The following FXR1 variants were observed in gnomAD, a reference collection of about 807,000 sequenced individuals.
The protein encoded by FXR1 is FMR1 autosomal homolog 1, also known as RNA-binding protein FXR1.
A neutral mutation model predicts 84.0 loss-of-function variants in FXR1; 15 were observed. The observed-to-expected ratio is 0.18, with a 90% CI of 0.12 to 0.27. FXR1 has a LOEUF of 0.27. Ranked by LOEUF, FXR1 falls within the 10% of genes least tolerant of loss-of-function variation. The probability of loss-of-function intolerance (pLI) is 1.00; values close to 1 mark genes in which losing one functional copy is unlikely to be tolerated. For synonymous variants in FXR1, 245 were observed against 250.7 expected (o/e 0.98, Z 0.21); for missense variants, 480 against 774.4 (o/e 0.62, Z 4.51).
At chr3:180,960,206 C>G (rs1259007596) in intron 10 of FXR1, among the ~76,000 whole-genome samples, 1 of 152,178 alleles carries the variant, frequency 6.6e-6, no homozygotes, top group Non-Finnish European at 1.5e-5. Flanking sequence ...TGGCCTAATA[C>G]TTTGATTTAC....
Position 180,978,717 on chromosome 3 carries a change from A to C in FXR1, c.*2425A>C, listed in dbSNP as rs955894444. 6 of 152,096 alleles carry C rather than the reference A, an allele frequency of 3.9e-5. No homozygotes were observed. Among genetic ancestry groups the C allele is most frequent in the African/African-American group, 1.4e-4 (6 of 41,432 alleles). 9.4% of individuals were successfully genotyped at this position (152,096 alleles called of 1,614,324 possible). ...ACCCTCTTTAAAGAGAAGGAAAAAA[A>C]GGTATTCTGGAAGATCTTGTGCAGT... On this transcript the variant is annotated 3_prime_UTR_variant, in exon 17 of 17. Transcript: ENST00000357559.
At chr3:180,951,241 CA>C in intron 7 of FXR1, 56 bp from the exon 8 acceptor site, 1 of 1,148,414 alleles carries the variant, frequency 8.7e-7, no homozygotes, top group Non-Finnish European at 1.3e-6. Flanking sequence ...CCAAACCATA[CA>C]AAAAAGCCAT....
intron 9 of FXR1, among the ~76,000 whole-genome samples, chr3:180,956,196 TC>T (rs1158677748): frequency 5.9e-5 from 9 of 152,160 alleles, no homozygotes; most frequent in African/African-American, 1.9e-4. Context: ...TTCCCACCCC[TC>T]CCAAATCAAA....
intron 13 of FXR1, among the ~76,000 whole-genome samples, chr3:180,965,758 T>C (rs565296153): frequency 2.6e-5 from 4 of 152,322 alleles, no homozygotes; most frequent in East Asian, 1.9e-4. Context: ...TTAACAGTTA[T>C]TTAATATGAG....
chr3:180,933,295 T>A, intron 1 of FXR1, 39 bp from the exon 2 acceptor site: 1 of 1,241,778 alleles, frequency 8.1e-7, no homozygotes, highest in Non-Finnish European at 1.2e-6. Flanking sequence ...ACGAAGTGCT[T>A]TAATATCTAT....
chr3:180,940,411 G>A (rs577933264), intron 3 of FXR1, among the ~76,000 whole-genome samples: 2 of 152,224 alleles, frequency 1.3e-5, no homozygotes, highest in Admixed American at 1.3e-4. Context: ...TGGGCTCTTG[G>A]AAGGGCAGTA....
At chr3:180,928,933 T>G (rs1210208043) in intron 1 of FXR1, among the ~76,000 whole-genome samples, 3 of 151,966 alleles carry the variant, frequency 2.0e-5, no homozygotes, top group African/African-American at 7.3e-5. Flanking sequence ...TTTTGTTTGT[T>G]TTTTTTTAGA....
intron 15 of FXR1, chr3:180,971,103 C>G: frequency 7.9e-7 from 1 of 1,269,716 alleles, no homozygotes; most frequent in Non-Finnish European, 1.0e-6. Context: ...CCCAGCGACG[C>G]AATCGTAGCC....
chr3:180,968,504 T>A (rs1713123669), intron 14 of FXR1: 1 of 330,700 alleles, frequency 3.0e-6, no homozygotes, highest in African/African-American at 2.1e-5. Context: ...GGGTCAGATG[T>A]TTCTCTCTTC....
intron 1 of FXR1, among the ~76,000 whole-genome samples, chr3:180,919,708 C>G (rs1009147029): frequency 2.0e-5 from 3 of 152,084 alleles, no homozygotes; most frequent in Non-Finnish European, 4.4e-5. Context: ...GAGTCTTGCT[C>G]TGTTGCCCAG....
intron 1 of FXR1, among the ~76,000 whole-genome samples, chr3:180,914,070 CA>C (rs1384868726): frequency 6.6e-6 from 1 of 152,164 alleles, no homozygotes; most frequent in Non-Finnish European, 1.5e-5. Flanking sequence ...AAGCTTTTTG[CA>C]AGTTTAAATC....
chr3:180,951,779 G>T (rs1722252843), intron 8 of FXR1, among the ~76,000 whole-genome samples: 1 of 152,198 alleles, frequency 6.6e-6, no homozygotes. Context: ...AATGTTTACT[G>T]TGTGCCAGGC....
intron 9 of FXR1, among the ~76,000 whole-genome samples, chr3:180,955,998 CAT>C (rs1368712767): frequency 3.3e-5 from 5 of 152,080 alleles, no homozygotes; most frequent in African/African-American, 4.8e-5. Flanking sequence ...TATTGGTTGT[CAT>C]GTGTAAAAAT....
chr3:180,971,196 A>G, intron 15 of FXR1: 1 of 661,278 alleles, frequency 1.5e-6, no homozygotes, highest in Non-Finnish European at 2.1e-6. Context: ...GGTCACAAGC[A>G]TGAAAAAAAT....
chr3:180,960,153 T>A (rs1465050965), intron 10 of FXR1, among the ~76,000 whole-genome samples: 3 of 152,204 alleles, frequency 2.0e-5, no homozygotes, highest in Non-Finnish European at 4.4e-5. Flanking sequence ...TGCCACTTTT[T>A]AAAAATCTTC....
chr3:180,975,533 C>CAAGA, intron 16 of FXR1, 129 bp downstream of exon 16: 1 of 462,420 alleles, frequency 2.2e-6, no homozygotes, highest in South Asian at 4.3e-5. Context: ...TAGTTAAAGA[C>CAAGA]TCTTGAATAT....
intron 3 of FXR1, among the ~76,000 whole-genome samples, chr3:180,945,481 T>G (rs1218271175): frequency 2.0e-5 from 3 of 152,236 alleles, no homozygotes; most frequent in Non-Finnish European, 1.5e-5. Flanking sequence ...CTTGGCTCAC[T>G]GCAGTCTCAA....
rs1049973801 is a variant in FXR1, at chr3:180,970,332, C to T, written c.1577C>T (p.Thr526Ile). 6.3e-7 allele frequency: 1 copy of T among 1,576,184 alleles called. No homozygotes were observed. Among genetic ancestry groups the T allele is most frequent in the Non-Finnish European group, 8.7e-7 (1 of 1,153,684 alleles). ...VLMDGMTESD[T>I]ASVNENGLVT... ...ATGGATGGAATGACTGAATCTGATACAGCTTCAGTTAATGAAAATGGGCTA... is the reference window on the plus strand; with the variant it reads ...ATGGATGGAATGACTGAATCTGATATAGCTTCAGTTAATGAAAATGGGCTA... Residue 526 changes from threonine to isoleucine, a missense_variant, in exon 15 of 17, where the codon ACA (threonine) becomes ATA (isoleucine). Transcript: ENST00000357559.
chr3:180,917,258 G>A (rs112287006), intron 1 of FXR1, among the ~76,000 whole-genome samples: 69 of 145,524 alleles, frequency 4.7e-4, no homozygotes, highest in African/African-American at 8.6e-4. Flanking sequence ...GAATTTGAGC[G>A]TAATCTAAAT....
Sources: gnomAD v4.1 joint callset for allele counts (sites outside exome capture counted in the v4.1 genomes callset) on GRCh38, gnomAD v4.1.1 for gene constraint, MANE v1.5 for transcripts, NCBI Gene and HGNC (gene_info 2026-07-23, HGNC 2026-07-21) for gene names.